Variants in OR5AN1 observed in about 807,000 individuals in gnomAD.
OR5AN1 encodes olfactory receptor family 5 subfamily AN member 1.
For synonymous variants in OR5AN1, 167 were observed against 131.8 expected, an observed-to-expected ratio of 1.27 and a Z score of -1.83; for missense variants, 476 against 368.9, an observed-to-expected ratio of 1.29 and a Z score of -2.38.
chr11:59,359,584 A>G (rs1857441973), intron 1 of OR5AN1: 1 of 152,152 alleles, frequency 6.6e-6, no homozygotes, highest in African/African-American at 2.4e-5. Context: ...GTTTAAATAC[A>G]TAGCTTTGAT....
In OR5AN1 at chr11:59,369,401, A is replaced by T. The variant is rs1177808245; in HGVS notation, c.*4007A>T. On this transcript the variant is annotated 3_prime_UTR_variant, in exon 2 of 2. Transcript: ENST00000641998. ...ATAAAGTGACACAGAAGCTGAAAGAAAAATAGCCAGTATAAAAAAGCACTT... is the reference window on the plus strand; with the variant it reads ...ATAAAGTGACACAGAAGCTGAAAGATAAATAGCCAGTATAAAAAAGCACTT... 1 of 152,200 alleles carries T rather than the reference A, an allele frequency of 6.6e-6. No individual in the cohort carries two copies. The highest frequency in any genetic ancestry group is 1.9e-4 in the East Asian group (1 of 5,200). 9.4% of individuals were successfully genotyped at this position (152,200 alleles called of 1,614,324 possible).
Position 59,364,622 on chromosome 11 carries a change from A to C in OR5AN1, c.164A>C (p.His55Pro). The C allele has an allele frequency of 6.2e-7, 1 of 1,613,920 alleles. No individual in the cohort carries two copies. Among genetic ancestry groups the C allele is most frequent in the Non-Finnish European group, 8.5e-7 (1 of 1,179,920 alleles). ...SLIVLIRMDS[H>P]LHTPMYFFLS... ...ATTGTTTTAATAAGGATGGATTCCC[A>C]CCTCCATACACCCATGTATTTCTTC... Residue 55 changes from histidine (H) to proline (P), a missense_variant, in exon 2 of 2, where the codon CAC (histidine) becomes CCC (proline). Transcript: ENST00000641998.
At chr11:59,364,303 G>C in intron 1 of OR5AN1, 143 bp from the exon 2 acceptor site, 1 of 573,340 alleles carries the variant, frequency 1.7e-6, no homozygotes, top group Non-Finnish European at 3.1e-6. Context: ...TTCAAGAAAG[G>C]CTGGGGTCTT....
chr11:59,364,463 C>T lies in OR5AN1; in HGVS notation c.5C>T (p.Thr2Ile). 6 of 1,603,462 alleles carry T rather than the reference C, an allele frequency of 3.7e-6. No homozygotes were observed. The highest frequency in any genetic ancestry group is 5.1e-6 in the Non-Finnish European group (6 of 1,174,064). ...GATATTAGGAGCACTGAGCCAATGA[C>T]TGGGGGAGGAAATATTACAGAAATC... M[T>I]GGGNITEITY... is the part of the protein sequence containing the mutation. Residue 2 changes from threonine to isoleucine, a missense_variant, in exon 2 of 2, where the codon ACT (threonine) becomes ATT (isoleucine). By Grantham distance (89) the Thr-to-Ile change is moderately conservative. Coordinates refer to ENST00000641998, the MANE Select transcript of OR5AN1 (RefSeq NM_001004729.2).
In OR5AN1 at chr11:59,364,994, T is replaced by TC. The variant is rs762861280; in HGVS notation, c.537dup (p.Cys180LeufsTer2). 3.7e-6 allele frequency: 6 copies of TC among 1,614,162 alleles called. No homozygotes were observed. The highest frequency in any genetic ancestry group is 1.1e-5 in the South Asian group (1 of 91,080). The stretch of plus-strand genomic sequence containing the variant: ...GGGTCTAATGTCATCAGACATTTCT[T>TC]CTGTGACATGCCCCAACTGTTAATC... On this transcript the variant is annotated frameshift_variant, in exon 2 of 2. Transcript: ENST00000641998. LOFTEE classifies it low-confidence loss of function (END_TRUNC).
intron 1 of OR5AN1, among the ~76,000 whole-genome samples, chr11:59,360,817 T>G (rs1857454749): frequency 6.6e-6 from 1 of 152,166 alleles, no homozygotes; most frequent in Non-Finnish European, 1.5e-5. Flanking sequence ...ATTCTAAGAG[T>G]AAACAGAAAG....
Position 59,367,610 on chromosome 11 carries a change from G to T in OR5AN1, c.*2216G>T, listed in dbSNP as rs1230254767. The stretch of plus-strand genomic sequence containing the variant: ...CCTAAGAAGGAGCTCAAAGGGAAGA[G>T]CTGGGCTGTCATCTTTGCTGTTCAG... On this transcript the variant is annotated 3_prime_UTR_variant, in exon 2 of 2. Coordinates refer to ENST00000641998, the MANE Select transcript of OR5AN1 (RefSeq NM_001004729.2). The T allele has an allele frequency of 1.3e-5, 2 of 152,276 alleles. No individual in the cohort carries two copies. Among genetic ancestry groups the T allele is most frequent in the Non-Finnish European group, 2.9e-5 (2 of 68,090 alleles). 9.4% of individuals were successfully genotyped at this position (152,276 alleles called of 1,614,324 possible).
chr11:59,361,840 AT>A (rs1857466814), intron 1 of OR5AN1, among the ~76,000 whole-genome samples: 1 of 151,816 alleles, frequency 6.6e-6, no homozygotes, highest in Non-Finnish European at 1.5e-5. Flanking sequence ...TGATTTTTAC[AT>A]TTAATAATAT....
chr11:59,365,099 T>A lies in OR5AN1; in HGVS notation c.641T>A (p.Val214Asp), dbSNP rs1857509776. 11 of 1,614,162 alleles carry A rather than the reference T, an allele frequency of 6.8e-6. No individual in the cohort carries two copies. The highest frequency in any genetic ancestry group is 9.3e-6 in the Non-Finnish European group (11 of 1,179,988). The change falls in exon 2 of 2, where the codon GTT (valine) becomes GAT (aspartate). Residue 214 changes from valine (V) to aspartate (D), a missense_variant. By Grantham distance (152) the Val-to-Asp change is radical. Transcript: ENST00000641998. ...TTCTTTGGGATAGCAAGTGCCCTAG[T>A]TATCATGATATCCTATGGCTATATT... ...TMFFGIASAL[V>D]IMISYGYIGI...
Position 59,368,775 on chromosome 11 carries a change from A to G in OR5AN1, c.*3381A>G, listed in dbSNP as rs1458250952. 1 of 152,266 alleles carries G rather than the reference A, an allele frequency of 6.6e-6. No homozygotes were observed. Among genetic ancestry groups the G allele is most frequent in the Non-Finnish European group, 1.5e-5 (1 of 68,066 alleles). 9.4% of individuals were successfully genotyped at this position (152,266 alleles called of 1,614,324 possible). A position where few individuals can be genotyped will look rare whatever the true frequency, so the allele number is the denominator to read the frequency against. On this transcript the variant is annotated 3_prime_UTR_variant, in exon 2 of 2. Transcript: ENST00000641998. ...TCTAAGCTGGGGAAGGAACGTAAAC[A>G]CAAAGATCTCCCCAGAGCTGCAGCA... is the stretch of plus-strand genomic sequence containing the variant.
At chr11:59,361,013 T>A (rs140360581) in intron 1 of OR5AN1, among the ~76,000 whole-genome samples, 1,827 of 152,336 alleles carry the variant, frequency 0.012, 46 homozygotes, top group Admixed American at 0.064. Context: ...GTGCTCTGTA[T>A]AGTCAGCTTT....
In OR5AN1 at chr11:59,365,006, C is replaced by T; in HGVS notation, c.548C>T (p.Pro183Leu). ...NVIRHFFCDM[P>L]QLLILSCTDT... ...ATCAGACATTTCTTCTGTGACATGC[C>T]CCAACTGTTAATCTTGTCCTGTACT... The change falls in exon 2 of 2, where the codon CCC becomes CTC. Residue 183 changes from proline to leucine, a missense_variant. Pro to Leu is a moderately conservative substitution (Grantham distance 98, BLOSUM62 -3). Coordinates refer to ENST00000641998, the MANE Select transcript of OR5AN1 (RefSeq NM_001004729.2). 6.2e-7 allele frequency: 1 copy of T among 1,614,094 alleles called. No homozygotes were observed. Among genetic ancestry groups the T allele is most frequent in the Non-Finnish European group, 8.5e-7 (1 of 1,179,982 alleles).
rs755877404 is a variant in OR5AN1 at position 59,366,301 on chromosome 11, G to T, written c.*907G>T. The T allele has an allele frequency of 2.0e-5, 3 of 152,138 alleles. No individual in the cohort carries two copies. Among genetic ancestry groups the T allele is most frequent in the African/African-American group, 7.2e-5 (3 of 41,428 alleles). 9.4% of individuals were successfully genotyped at this position (152,138 alleles called of 1,614,324 possible). Reference sequence around the variant, plus strand: ...GACTGGGTAACTATTGAATCCAGGAGAGGATGAAAGAAACATGGGTCAAAT... The same window carrying T: ...GACTGGGTAACTATTGAATCCAGGATAGGATGAAAGAAACATGGGTCAAAT... On this transcript the variant is annotated 3_prime_UTR_variant, in exon 2 of 2. Coordinates refer to ENST00000641998, the MANE Select transcript of OR5AN1 (RefSeq NM_001004729.2).
intron 1 of OR5AN1, among the ~76,000 whole-genome samples, chr11:59,362,001 TG>T (rs1464753997): frequency 6.6e-6 from 1 of 151,986 alleles, no homozygotes; most frequent in African/African-American, 2.4e-5. Flanking sequence ...TGTGTGTGTG[TG>T]TGTGTGTGAC....
chr11:59,370,893 A>G lies in OR5AN1; in HGVS notation c.*5499A>G, dbSNP rs1489089499. 2 of 152,220 alleles carry G rather than the reference A, an allele frequency of 1.3e-5. No homozygotes were observed. The highest frequency in any genetic ancestry group is 2.4e-5 in the African/African-American group (1 of 41,458). 9.4% of individuals were successfully genotyped at this position (152,220 alleles called of 1,614,324 possible). ...ATTGTTGGAAAAATATTCTGTATAT[A>G]TACATCTTTTTTGATCAAAGCTTTA... On this transcript the variant is annotated 3_prime_UTR_variant, in exon 2 of 2. Transcript: ENST00000641998.
chr11:59,362,994 C>T (rs1174490390), intron 1 of OR5AN1, among the ~76,000 whole-genome samples: 4 of 149,950 alleles, frequency 2.7e-5, no homozygotes, highest in Admixed American at 6.6e-5. Context: ...GCTTGACTGG[C>T]ATGGACACTA....
chr11:59,370,833 T>C lies in OR5AN1; in HGVS notation c.*5439T>C, dbSNP rs1394138332. On this transcript the variant is annotated 3_prime_UTR_variant, in exon 2 of 2. Transcript: ENST00000641998. ...GAGTTCTCCAGAGAGACAAAACCAATAGGATACATCAGAGGAGTTCCTGAA... is the reference window on the plus strand; with the variant it reads ...GAGTTCTCCAGAGAGACAAAACCAACAGGATACATCAGAGGAGTTCCTGAA... 6.6e-6 allele frequency: 1 copy of C among 152,118 alleles called. No homozygotes were observed. Among genetic ancestry groups the C allele is most frequent in the Admixed American group, 6.5e-5 (1 of 15,278 alleles). 9.4% of individuals were successfully genotyped at this position (152,118 alleles called of 1,614,324 possible).
intron 1 of OR5AN1, among the ~76,000 whole-genome samples, chr11:59,362,807 A>C (rs543211229): frequency 1.3e-5 from 2 of 152,342 alleles, no homozygotes; most frequent in East Asian, 3.9e-4. Context: ...TGCTGATTGA[A>C]TCTACCAAAA....
At chr11:59,362,310 C>G (rs1254521044) in intron 1 of OR5AN1, among the ~76,000 whole-genome samples, 2 of 151,982 alleles carry the variant, frequency 1.3e-5, no homozygotes, top group Non-Finnish European at 2.9e-5. Flanking sequence ...TATTTTTTCT[C>G]TTATAATTTC....
Sources: allele counts gnomAD v4.1 joint callset (sites outside exome capture counted in the v4.1 genomes callset), GRCh38; gene constraint gnomAD v4.1.1; transcripts MANE v1.5; gene names NCBI Gene and HGNC (gene_info 2026-07-23, HGNC 2026-07-21).